LUZP2: variants seen among roughly 807,000 people sequenced by gnomAD.
The protein encoded by LUZP2 is leucine zipper protein 2.
LUZP2 carries 52 observed loss-of-function variants against 51.6 expected under a neutral mutation model. The ratio of observed to expected loss-of-function variants is 1.01; its 90% CI spans 0.81 to 1.27. The LOEUF (loss-of-function observed/expected upper bound fraction) is 1.27, where lower values mean the gene tolerates loss of function less well. LUZP2 is among the 50% of genes most tolerant of loss of function. The pLI is 0.00. For missense variants in LUZP2, 436 were observed against 395.4 expected (o/e 1.10, Z -0.87); for synonymous variants, 154 against 137.3 (o/e 1.12, Z -0.85).
chr11:24,992,985 C>T (rs890189502), intron 9 of LUZP2, among the ~76,000 whole-genome samples: 4 of 152,066 alleles, frequency 2.6e-5, no homozygotes, highest in African/African-American at 9.7e-5. Flanking sequence ...TATACAATTA[C>T]TTTTTAAGTT....
At chr11:24,836,790 G>C (rs1209419385) in intron 5 of LUZP2, among the ~76,000 whole-genome samples, 1 of 151,732 alleles carries the variant, frequency 6.6e-6, no homozygotes, top group Non-Finnish European at 1.5e-5. Flanking sequence ...TTCTAGTCTG[G>C]AACATTTCAC....
chr11:24,610,624 G>A (rs1292680132), intron 1 of LUZP2, among the ~76,000 whole-genome samples: 1 of 152,134 alleles, frequency 6.6e-6, no homozygotes, highest in Non-Finnish European at 1.5e-5. Context: ...TCTACTTAAA[G>A]AGTAAACTTT....
intron 3 of LUZP2, among the ~76,000 whole-genome samples, chr11:24,736,631 G>A (rs1392960176): frequency 2.0e-5 from 3 of 151,854 alleles, no homozygotes; most frequent in African/African-American, 7.3e-5. Context: ...TGAAGTCATA[G>A]TTTGGTGTGG....
chr11:24,855,989 A>C (rs927372044), intron 5 of LUZP2, among the ~76,000 whole-genome samples: 1 of 152,164 alleles, frequency 6.6e-6, no homozygotes, highest in African/African-American at 2.4e-5. Context: ...TAAAACCTGT[A>C]ACTATTAAAA....
At chr11:24,830,058 G>T (rs1306534537) in intron 5 of LUZP2, among the ~76,000 whole-genome samples, 2 of 151,764 alleles carry the variant, frequency 1.3e-5, no homozygotes, top group African/African-American at 2.4e-5. Flanking sequence ...AATCTGATTT[G>T]TCAAGGATTA....
chr11:24,573,323 C>T (rs1198350581), intron 1 of LUZP2, among the ~76,000 whole-genome samples: 4 of 151,980 alleles, frequency 2.6e-5, no homozygotes, highest in African/African-American at 7.2e-5. Flanking sequence ...GCTTGTACAT[C>T]ACTGTCACCT....
At chr11:24,543,796 T>C (rs1178068233) in intron 1 of LUZP2, among the ~76,000 whole-genome samples, 1 of 107,084 alleles carries the variant, frequency 9.3e-6, no homozygotes. Context: ...CACTCCAGCC[T>C]GGGTGACAGA....
chr11:24,694,165 C>A (rs1364390671), intron 1 of LUZP2, among the ~76,000 whole-genome samples: 1 of 151,984 alleles, frequency 6.6e-6, no homozygotes, highest in African/African-American at 2.4e-5. Flanking sequence ...CTTCTTAAAC[C>A]TTCTGACATT....
At chr11:25,070,428 C>G (rs1447660490) in intron 10 of LUZP2, among the ~76,000 whole-genome samples, 1 of 151,824 alleles carries the variant, frequency 6.6e-6, no homozygotes, top group African/African-American at 2.4e-5. Flanking sequence ...AAACCAGGCC[C>G]ATCTAGATAA....
At chr11:24,514,126 T>A (rs1292809897) in intron 1 of LUZP2, among the ~76,000 whole-genome samples, 1 of 152,188 alleles carries the variant, frequency 6.6e-6, no homozygotes, top group East Asian at 1.9e-4. Flanking sequence ...GGCATATCCC[T>A]GGCATTCAGC....
At chr11:24,600,022 G>A (rs1477046464) in intron 1 of LUZP2, among the ~76,000 whole-genome samples, 1 of 152,088 alleles carries the variant, frequency 6.6e-6, no homozygotes, top group Non-Finnish European at 1.5e-5. Flanking sequence ...TAAAAGATAT[G>A]TTGAATTCCT....
At chr11:24,970,529 T>G (rs138237543) in intron 7 of LUZP2, among the ~76,000 whole-genome samples, 2,072 of 152,262 alleles carry the variant, frequency 0.014, 42 homozygotes, top group African/African-American at 0.043. Flanking sequence ...TATTTCAGAA[T>G]CATTGAATTA....
At chr11:24,664,755 G>C (rs1856155423) in intron 1 of LUZP2, among the ~76,000 whole-genome samples, 1 of 152,154 alleles carries the variant, frequency 6.6e-6, no homozygotes, top group South Asian at 2.1e-4. Flanking sequence ...TTGGGCCTGT[G>C]GGTGCACAGA....
intron 1 of LUZP2, among the ~76,000 whole-genome samples, chr11:24,522,942 T>C (rs144319256): frequency 4.4e-4 from 67 of 152,222 alleles, no homozygotes; most frequent in African/African-American, 1.6e-3. Context: ...CAAACTTCTG[T>C]GCCTTACCTC....
intron 9 of LUZP2, among the ~76,000 whole-genome samples, chr11:25,016,963 A>G (rs1233933803): frequency 6.6e-6 from 1 of 151,964 alleles, no homozygotes; most frequent in Non-Finnish European, 1.5e-5. Flanking sequence ...AGTAATGGGC[A>G]TTATGGCTGT....
rs1292099260 is a variant in LUZP2, at chr11:24,497,287, C to T, written c.44C>T (p.Ala15Val). ...CACTACCTGCTGCCTCTCCTGCCTG[C>T]GCTGGTCCTCAGCACCAGGTGAGTC... ...PAHYLLPLLP[A>V]LVLSTRQDYE... Residue 15 changes from alanine (A) to valine (V), a missense_variant, in exon 1 of 12, where the codon GCG (alanine) becomes GTG (valine). Transcript: ENST00000336930. 7 of 1,565,762 alleles carry T rather than the reference C, an allele frequency of 4.5e-6. No individual in the cohort carries two copies. Among genetic ancestry groups the T allele is most frequent in the African/African-American group, 2.8e-5 (2 of 71,648 alleles).
At chr11:24,824,558 T>C (rs913338979) in intron 5 of LUZP2, among the ~76,000 whole-genome samples, 1 of 151,858 alleles carries the variant, frequency 6.6e-6, no homozygotes, top group Non-Finnish European at 1.5e-5. Flanking sequence ...CAAAATTACA[T>C]TGATCTTAGT....
intron 5 of LUZP2, among the ~76,000 whole-genome samples, chr11:24,768,587 C>T (rs76861722): frequency 0.024 from 3,648 of 151,942 alleles, 163 homozygotes; most frequent in African/African-American, 0.084. Flanking sequence ...ATAAAATGGA[C>T]AAAATATCTG....
chr11:24,497,343 G>C lies in LUZP2; in HGVS notation c.62+38G>C, dbSNP rs758789611. 9 of 1,445,830 alleles carry C rather than the reference G, an allele frequency of 6.2e-6. No individual in the cohort carries two copies. In the Admixed American group the frequency reaches 7.0e-5, roughly 11 times the overall value. 89.6% of individuals were successfully genotyped at this position (1,445,830 alleles called of 1,614,324 possible). A position where few individuals can be genotyped will look rare whatever the true frequency, so the allele number is the denominator to read the frequency against. ...GCGTGAGTGACCTGAGGCCAGGGGC[G>C]CTGCCGGGGCGAGGTTGGTCCTACT... On this transcript the variant is annotated intron_variant, in intron 1 of 11. Coordinates refer to ENST00000336930, the MANE Select transcript of LUZP2 (RefSeq NM_001009909.4).
Sources: gnomAD v4.1 joint callset for allele counts (sites outside exome capture counted in the v4.1 genomes callset) on GRCh38, gnomAD v4.1.1 for gene constraint, MANE v1.5 for transcripts, NCBI Gene and HGNC (gene_info 2026-07-23, HGNC 2026-07-21) for gene names.